The following SH3KBP1 variants were observed in gnomAD, a reference collection of about 807,000 sequenced individuals.
SH3KBP1 encodes the protein SH3 domain-containing kinase-binding protein 1.
SH3KBP1 carries 8 observed loss-of-function variants against 50.1 expected under a neutral mutation model. The observed-to-expected ratio is 0.16, with a 90% confidence interval of 0.09 to 0.29. SH3KBP1 has a LOEUF of 0.29. Among genes scored for constraint, SH3KBP1 ranks in the 10% least tolerant of loss-of-function variants. The probability of loss-of-function intolerance (pLI) is 1.00; values close to 1 mark genes in which losing one functional copy is unlikely to be tolerated. For synonymous variants in SH3KBP1, 227 were observed against 218.6 expected (o/e 1.04, Z -0.34); for missense variants, 377 against 535.2 (o/e 0.70, Z 2.92).
intron 6 of SH3KBP1, among the ~76,000 whole-genome samples, chrX:19,672,329 C>G (rs2062817389): frequency 8.9e-6 from 1 of 112,075 alleles, no homozygotes; most frequent in South Asian, 3.7e-4. Context: ...AAACTCCCCA[C>G]TCTTTAAGTG....
intron 8 of SH3KBP1, among the ~76,000 whole-genome samples, chrX:19,611,909 T>C (rs1400158984): frequency 1.3e-5 from 1 of 79,673 alleles, no homozygotes; most frequent in Admixed American, 1.7e-4. Context: ...ATAAGTACAG[T>C]CAAAAGAGAA....
At chrX:19,583,562 C>T (rs1602555332) in intron 12 of SH3KBP1, among the ~76,000 whole-genome samples, 1 of 110,554 alleles carries the variant, frequency 9.0e-6, no homozygotes, top group East Asian at 2.8e-4. Context: ...AACATTCTTA[C>T]TAAAGGTCAA....
Position 19,534,354 on chromosome X carries a change from A to G in SH3KBP1, c.*2063T>C, listed in dbSNP as rs2064659430. 1 of 111,092 alleles carries G rather than the reference A, an allele frequency of 9.0e-6. No homozygotes were observed. Among genetic ancestry groups the G allele is most frequent in the Non-Finnish European group, 1.9e-5 (1 of 53,116 alleles). 9.2% of individuals were successfully genotyped at this position (111,092 alleles called of 1,213,427 possible). On this transcript the variant is annotated 3_prime_UTR_variant, in exon 18 of 18. Coordinates refer to ENST00000397821, the MANE Select transcript of SH3KBP1 (RefSeq NM_031892.3). Reference sequence around the variant, plus strand: ...CAATGGCCTCTATGAGGGGGAAGACATCAGCTCTCTACATTCCATGTTGCC... The same window carrying G: ...CAATGGCCTCTATGAGGGGGAAGACGTCAGCTCTCTACATTCCATGTTGCC...
rs778424169 is a variant in SH3KBP1 at position 19,794,656 on chromosome X, T to C, written c.162+41469A>G. Among the ~76,000 whole-genome samples, 96 of 111,129 alleles carry C rather than the reference T, an allele frequency of 8.6e-4. 2 individuals are homozygous for C. The highest frequency in any genetic ancestry group is 3.1e-3 in the African/African-American group (94 of 30,534). The stretch of plus-strand genomic sequence containing the variant: ...AGGCAGAGCTTGCAGTGAGCCGAGA[T>C]AGCGCCACTGCACTCCAGCCTGGGC... On this transcript the variant is annotated intron_variant, in intron 2 of 17. Transcript: ENST00000397821.
At chrX:19,834,932 G>C (rs893683535) in intron 2 of SH3KBP1, among the ~76,000 whole-genome samples, 1 of 109,210 alleles carries the variant, frequency 9.2e-6, no homozygotes, top group Non-Finnish European at 1.9e-5. Context: ...CTACTCGGGA[G>C]GCTGAGGCAT....
At chrX:19,824,362 A>G (rs2067612488) in intron 2 of SH3KBP1, among the ~76,000 whole-genome samples, 1 of 112,127 alleles carries the variant, frequency 8.9e-6, no homozygotes. Flanking sequence ...AATTAAAAAC[A>G]TGGTACTGCC....
intron 2 of SH3KBP1, among the ~76,000 whole-genome samples, chrX:19,773,160 G>A (rs2065841860): frequency 9.0e-6 from 1 of 110,759 alleles, no homozygotes; most frequent in Non-Finnish European, 1.9e-5. Context: ...AGCCTCCAGG[G>A]TGGCCCATGA....
chrX:19,675,960 T>C (rs1299813651), intron 6 of SH3KBP1, among the ~76,000 whole-genome samples: 1 of 111,948 alleles, frequency 8.9e-6, no homozygotes, highest in Non-Finnish European at 1.9e-5. Flanking sequence ...TGAGACACTC[T>C]GAGGAGAGAG....
At chrX:19,583,307 C>T (rs1181812497) in intron 12 of SH3KBP1, among the ~76,000 whole-genome samples, 1 of 108,835 alleles carries the variant, frequency 9.2e-6, no homozygotes, top group Non-Finnish European at 1.9e-5. Flanking sequence ...GCACCCGCCA[C>T]CAAGCCTGGC....
At chrX:19,628,139 T>C (rs749832574) in intron 8 of SH3KBP1, among the ~76,000 whole-genome samples, 9 of 112,429 alleles carry the variant, frequency 8.0e-5, no homozygotes, top group Non-Finnish European at 1.7e-4. Context: ...GCATGTTTTC[T>C]TTCCAAATTC....
At chrX:19,546,653 G>A (rs1442731743) in intron 14 of SH3KBP1, among the ~76,000 whole-genome samples, 1 of 112,382 alleles carries the variant, frequency 8.9e-6, no homozygotes, top group Non-Finnish European at 1.9e-5. Flanking sequence ...CAGCTTGAGA[G>A]CACAGCCCTG....
At chrX:19,820,793 C>T (rs2067503783) in intron 2 of SH3KBP1, among the ~76,000 whole-genome samples, 1 of 111,179 alleles carries the variant, frequency 9.0e-6, no homozygotes, top group Non-Finnish European at 1.9e-5. Flanking sequence ...CTGTGGGTTA[C>T]TTGTACATTC....
chrX:19,852,317 A>T (rs1726742556), intron 1 of SH3KBP1, among the ~76,000 whole-genome samples: 1 of 111,334 alleles, frequency 9.0e-6, no homozygotes, highest in South Asian at 3.7e-4. Context: ...CAGACACTGT[A>T]GAGCTGAAAC....
intron 3 of SH3KBP1, among the ~76,000 whole-genome samples, chrX:19,709,120 G>A (rs756999618): frequency 3.6e-5 from 4 of 112,109 alleles, no homozygotes; most frequent in East Asian, 2.8e-4. Flanking sequence ...CCAAATCCCC[G>A]CATCGGACTT....
At chrX:19,593,385 T>C (rs941717895) in intron 10 of SH3KBP1, among the ~76,000 whole-genome samples, 9 of 111,660 alleles carry the variant, frequency 8.1e-5, no homozygotes, top group Admixed American at 7.6e-4. Flanking sequence ...TACAAATTAA[T>C]CACCACATCT....
chrX:19,810,109 T>C (rs777103926), intron 2 of SH3KBP1, among the ~76,000 whole-genome samples: 18 of 112,070 alleles, frequency 1.6e-4, no homozygotes, highest in South Asian at 3.7e-4. Flanking sequence ...AAGACCATTC[T>C]AGCCACTCTG....
chrX:19,866,702 A>AAG (rs1434161570), intron 1 of SH3KBP1, among the ~76,000 whole-genome samples: 1 of 109,235 alleles, frequency 9.2e-6, no homozygotes, highest in African/African-American at 3.4e-5. Flanking sequence ...TAAAAAAAAA[A>AAG]AAAGAAAAGA....
intron 8 of SH3KBP1, among the ~76,000 whole-genome samples, chrX:19,629,000 A>G (rs1254346277): frequency 8.9e-6 from 1 of 111,884 alleles, no homozygotes; most frequent in African/African-American, 3.3e-5. Context: ...CCAGCTACTC[A>G]GGAGGCTGAG....
chrX:19,620,901 T>A (rs979495259), intron 8 of SH3KBP1, among the ~76,000 whole-genome samples: 2 of 111,190 alleles, frequency 1.8e-5, no homozygotes, highest in African/African-American at 3.3e-5. Context: ...TTTGGTATCA[T>A]GTCTAACAAC....
Sources: gnomAD v4.1 joint callset for allele counts (sites outside exome capture counted in the v4.1 genomes callset) on GRCh38, gnomAD v4.1.1 for gene constraint, MANE v1.5 for transcripts, NCBI Gene and HGNC (gene_info 2026-07-23, HGNC 2026-07-21) for gene names.